C8orf34: variants seen among roughly 807,000 people sequenced by gnomAD.
C8orf34 encodes the protein chromosome 8 open reading frame 34.
C8orf34 carries 65 observed loss-of-function variants against 68.3 expected under a neutral mutation model. That is an observed-to-expected ratio of 0.95 (90% CI 0.78 to 1.17). C8orf34 has a LOEUF of 1.17. Among genes scored for constraint, C8orf34 ranks in the 50% most tolerant of loss-of-function variants. The pLI is 0.00. For synonymous variants in C8orf34, 244 were observed against 241.2 expected, an observed-to-expected ratio of 1.01 and a Z score of -0.11; for missense variants, 664 against 655.4, an observed-to-expected ratio of 1.01 and a Z score of -0.14.
chr8:68,815,391 CACAT>C (rs768933601), intron 12 of C8orf34, among the ~76,000 whole-genome samples: 16 of 152,120 alleles, frequency 1.1e-4, no homozygotes, highest in Non-Finnish European at 2.1e-4. Flanking sequence ...CACAGACACA[CACAT>C]ATATATACTA....
At chr8:68,565,083 C>T (rs1347181305) in intron 7 of C8orf34, among the ~76,000 whole-genome samples, 1 of 152,202 alleles carries the variant, frequency 6.6e-6, no homozygotes, top group African/African-American at 2.4e-5. Flanking sequence ...CAGTGAACTG[C>T]TCTTTTTTTC....
At chr8:68,799,060 G>A (rs1215319657) in intron 12 of C8orf34, among the ~76,000 whole-genome samples, 2 of 152,130 alleles carry the variant, frequency 1.3e-5, no homozygotes, top group Non-Finnish European at 2.9e-5. Context: ...TGAGATGATA[G>A]AACTATTCTT....
intron 7 of C8orf34, among the ~76,000 whole-genome samples, chr8:68,564,820 G>A (rs573906906): frequency 6.6e-6 from 1 of 152,152 alleles, no homozygotes; most frequent in African/African-American, 2.4e-5. Context: ...GGGTTGGATT[G>A]TTCTTCTGAA....
chr8:68,364,826 A>G (rs1807169538), intron 1 of C8orf34, among the ~76,000 whole-genome samples: 1 of 151,702 alleles, frequency 6.6e-6, no homozygotes, highest in South Asian at 2.1e-4. Flanking sequence ...TAACATCACA[A>G]TTAAAAGAAC....
chr8:68,358,458 C>G (rs1806839764), intron 1 of C8orf34, among the ~76,000 whole-genome samples: 1 of 151,356 alleles, frequency 6.6e-6, no homozygotes, highest in Non-Finnish European at 1.5e-5. Flanking sequence ...TGACTCAATC[C>G]CAATAGCCTC....
chr8:68,673,030 G>T (rs994382557), intron 8 of C8orf34, among the ~76,000 whole-genome samples: 2 of 152,270 alleles, frequency 1.3e-5, no homozygotes, highest in South Asian at 4.1e-4. Context: ...GACCAGGAGA[G>T]AACTCACTGC....
Position 68,534,328 on chromosome 8 carries a change from C to T in C8orf34, c.1105+1179C>T, listed in dbSNP as rs901242026. Reference sequence around the variant, plus strand: ...AAATCATTAACATGGCAGACGTGCCCTATGTGGCAGTGGTAGCTTCATTCA... The same window carrying T: ...AAATCATTAACATGGCAGACGTGCCTTATGTGGCAGTGGTAGCTTCATTCA... On this transcript the variant is annotated intron_variant, in intron 7 of 13. Transcript: ENST00000518698. 7 of 985,200 alleles carry T rather than the reference C, an allele frequency of 7.1e-6. No homozygotes were observed. The African/African-American group carries it at 1.0e-4, about 15-fold the overall frequency. The allele number at this position is 985,200 out of a possible 1,614,324, so 61.0% of individuals were successfully genotyped here.
At chr8:68,384,247 G>A (rs537011272) in intron 1 of C8orf34, among the ~76,000 whole-genome samples, 2 of 152,140 alleles carry the variant, frequency 1.3e-5, no homozygotes, top group Non-Finnish European at 2.9e-5. Context: ...AGGTTCCTTC[G>A]AGAGTAAAAT....
chr8:68,586,043 C>T (rs548258146), intron 7 of C8orf34, among the ~76,000 whole-genome samples: 1 of 152,030 alleles, frequency 6.6e-6, no homozygotes, highest in South Asian at 2.1e-4. Context: ...CCTATTAATA[C>T]AAAGTATAAT....
At chr8:68,351,605 A>G (rs116352908) in intron 1 of C8orf34, among the ~76,000 whole-genome samples, 406 of 152,208 alleles carry the variant, frequency 2.7e-3, no homozygotes, top group African/African-American at 9.4e-3. Context: ...AGTGACTCAT[A>G]GATTTGGCCT....
At chr8:68,664,789 G>A (rs973704464) in intron 8 of C8orf34, among the ~76,000 whole-genome samples, 3 of 152,032 alleles carry the variant, frequency 2.0e-5, no homozygotes, top group Non-Finnish European at 4.4e-5. Context: ...TGAGAGGGAT[G>A]GGCTGGTGAC....
intron 1 of C8orf34, among the ~76,000 whole-genome samples, chr8:68,375,519 T>C (rs1807754716): frequency 3.9e-5 from 6 of 152,296 alleles, no homozygotes; most frequent in Admixed American, 3.9e-4. Context: ...TCATATAGAA[T>C]GTTCAAGTAT....
chr8:68,330,805 A>ACACGCACG (rs1554594059), upstream of C8orf34: 9 of 483,148 alleles, frequency 1.9e-5, no homozygotes, highest in South Asian at 3.4e-5. Flanking sequence ...ACACACACAC[A>ACACGCACG]CACGCACGCA....
At chr8:68,382,937 C>T (rs1272675066) in intron 1 of C8orf34, among the ~76,000 whole-genome samples, 3 of 152,150 alleles carry the variant, frequency 2.0e-5, no homozygotes, top group Non-Finnish European at 4.4e-5. Context: ...TTTCATCCTC[C>T]TGGGAGAAAG....
At chr8:68,373,989 C>T (rs1487772463) in intron 1 of C8orf34, among the ~76,000 whole-genome samples, 1 of 152,166 alleles carries the variant, frequency 6.6e-6, no homozygotes, top group African/African-American at 2.4e-5. Flanking sequence ...GATTATAGCT[C>T]ACTGTAACTT....
chr8:68,816,174 T>C (rs996705932), intron 13 of C8orf34, among the ~76,000 whole-genome samples: 3 of 150,976 alleles, frequency 2.0e-5, no homozygotes, highest in Non-Finnish European at 4.4e-5. Context: ...GTTCTATAGG[T>C]TTTGGAGTTC....
intron 7 of C8orf34, among the ~76,000 whole-genome samples, chr8:68,624,421 G>T (rs1818476556): frequency 6.6e-6 from 1 of 152,142 alleles, no homozygotes; most frequent in Non-Finnish European, 1.5e-5. Context: ...TGTAGAAGGT[G>T]CATGTATAAC....
At chr8:68,499,886 G>A (rs775214526) in intron 5 of C8orf34, among the ~76,000 whole-genome samples, 9 of 152,160 alleles carry the variant, frequency 5.9e-5, no homozygotes, top group African/African-American at 2.2e-4. Flanking sequence ...CTGGTGGGAG[G>A]TGATTGGATT....
At chr8:68,459,398 T>C (rs1345272968) in intron 3 of C8orf34, among the ~76,000 whole-genome samples, 1 of 151,824 alleles carries the variant, frequency 6.6e-6, no homozygotes, top group Non-Finnish European at 1.5e-5. Flanking sequence ...TCCAGCTAAT[T>C]TTTGTATTTT....
Sources: allele counts gnomAD v4.1 joint callset (sites outside exome capture counted in the v4.1 genomes callset), GRCh38; gene constraint gnomAD v4.1.1; transcripts MANE v1.5; gene names NCBI Gene and HGNC (gene_info 2026-07-23, HGNC 2026-07-21).